RNF212: variants seen among roughly 807,000 people sequenced by gnomAD.
RNF212 encodes the protein probable E3 SUMO-protein ligase RNF212.
In RNF212, 33 loss-of-function variants were observed where a neutral mutation model predicts 34.7. That is an observed-to-expected ratio of 0.95 (90% CI 0.72 to 1.27). The LOEUF is 1.27. Among genes scored for constraint, RNF212 ranks in the 50% most tolerant of loss-of-function variants. The pLI, the probability that RNF212 is intolerant of heterozygous loss-of-function variation, is 0.00. For missense variants in RNF212, 377 were observed against 362.2 expected, an observed-to-expected ratio of 1.04 and a Z score of -0.33; for synonymous variants, 140 against 136.1, an observed-to-expected ratio of 1.03 and a Z score of -0.20.
intron 5 of RNF212, among the ~76,000 whole-genome samples, chr4:1,083,819 G>A (rs556652813): frequency 1.3e-5 from 2 of 152,254 alleles, no homozygotes; most frequent in South Asian, 2.1e-4. Flanking sequence ...TGGGGATGCA[G>A]AGGGTACTAC....
downstream of RNF212, among the ~76,000 whole-genome samples, chr4:1,067,561 T>C (rs563039696): frequency 8.6e-5 from 13 of 151,924 alleles, no homozygotes; most frequent in South Asian, 2.7e-3. Context: ...AATCCCACCG[T>C]AAAAAATAAT....
At chr4:1,074,105 C>G (rs1194647657) in intron 8 of RNF212, among the ~76,000 whole-genome samples, 1 of 152,054 alleles carries the variant, frequency 6.6e-6, no homozygotes, top group Non-Finnish European at 1.5e-5. Context: ...CTGCTCTGTG[C>G]CCACCCTTCA....
chr4:1,057,271 G>A (rs1717389709), intron 4 of RNF212, among the ~76,000 whole-genome samples: 1 of 152,224 alleles, frequency 6.6e-6, no homozygotes, highest in South Asian at 2.1e-4. Flanking sequence ...CCTGCAGGCA[G>A]CCAGGGGTGG....
In RNF212 at chr4:1,113,544, C is replaced by A; in HGVS notation, c.-80G>T. The A allele has an allele frequency of 1.6e-6, 2 of 1,215,014 alleles. No homozygotes were observed. Among genetic ancestry groups the A allele is most frequent in the South Asian group, 1.4e-5 (1 of 72,810 alleles). The allele number at this position is 1,215,014 out of a possible 1,614,324, so 75.3% of individuals were successfully genotyped here. ...TTGGGACCAGCCTCCCCGCGCAGGG[C>A]CCGAAGGCGGGCAGCTCTGCGCCTG... On this transcript the variant is annotated 5_prime_UTR_variant, in exon 1 of 10. Coordinates refer to ENST00000433731, the MANE Select transcript of RNF212 (RefSeq NM_001131034.4).
chr4:1,085,726 T>G (rs1721057877), intron 5 of RNF212, 170 bp downstream of exon 5: 4 of 627,968 alleles, frequency 6.4e-6, no homozygotes. Flanking sequence ...CCTTCTTCCC[T>G]TCGGTTTTCC....
intron 3 of RNF212, among the ~76,000 whole-genome samples, chr4:1,059,473 C>T (rs897290765): frequency 3.9e-5 from 6 of 152,176 alleles, no homozygotes; most frequent in South Asian, 2.1e-4. Flanking sequence ...CAGGAGGCCA[C>T]GGTGAGCACA....
At chr4:1,105,326 C>A (rs71604358) in intron 2 of RNF212, among the ~76,000 whole-genome samples, 57,364 of 152,138 alleles carry the variant, frequency 0.38, 12,690 homozygotes, top group Non-Finnish European at 0.5. Context: ...GCCCAGCCAC[C>A]CACCACATCC....
intron 5 of RNF212, 102 bp downstream of exon 5, chr4:1,085,794 A>C (rs2153046303): frequency 1.1e-5 from 9 of 814,274 alleles, no homozygotes; most frequent in Non-Finnish European, 2.0e-5. Flanking sequence ...TTCCCTCTGC[A>C]TCTGCAGTCA....
chr4:1,072,345 T>C lies in RNF212; in HGVS notation c.*529A>G, dbSNP rs1718591830. ...GATGGGGACACATGTCACTAGATAT[T>C]TGTTCAAACCCATAGAACATTCGAC... On this transcript the variant is annotated 3_prime_UTR_variant, in exon 10 of 10. Transcript: ENST00000433731. 6.5e-6 allele frequency: 1 copy of C among 153,812 alleles called. No homozygotes were observed. The highest frequency in any genetic ancestry group is 2.4e-5 in the African/African-American group (1 of 41,432). 9.5% of individuals were successfully genotyped at this position (153,812 alleles called of 1,614,324 possible).
At chr4:1,058,943 C>T (rs570227692) in intron 3 of RNF212, among the ~76,000 whole-genome samples, 3 of 152,246 alleles carry the variant, frequency 2.0e-5, no homozygotes, top group Non-Finnish European at 2.9e-5. Flanking sequence ...AGGGCAAAAG[C>T]GCGTCCAGAA....
intron 4 of RNF212, among the ~76,000 whole-genome samples, chr4:1,090,140 C>T (rs1272050075): frequency 8.0e-6 from 1 of 124,520 alleles, no homozygotes; most frequent in Non-Finnish European, 1.6e-5. Context: ...GATGGGGTAC[C>T]AAGATAAGGT....
intron 5 of RNF212, chr4:1,082,082 C>T: frequency 6.1e-6 from 1 of 164,334 alleles, no homozygotes. Flanking sequence ...TACTACTGTA[C>T]TACTGCACTC....
At chr4:1,083,795 C>G (rs1720738483) in intron 5 of RNF212, among the ~76,000 whole-genome samples, 1 of 152,076 alleles carries the variant, frequency 6.6e-6, no homozygotes, top group East Asian at 1.9e-4. Flanking sequence ...GGGTGGGGAG[C>G]TGCAGGTTGT....
rs749643469 is a variant in RNF212, at chr4:1,108,304, AC to A, written c.171+38del. On this transcript the variant is annotated intron_variant, in intron 2 of 9. Transcript: ENST00000433731. Reference sequence around the variant, plus strand: ...AATATCAAATTTAAAAGGAAATATGACTGTGATTAAGATGCAGATACGACAC... The same window carrying A: ...AATATCAAATTTAAAAGGAAATATGATGTGATTAAGATGCAGATACGACAC... 10 of 1,297,834 alleles carry A rather than the reference AC, an allele frequency of 7.7e-6. No homozygotes were observed. In the African/African-American group the frequency reaches 1.6e-4, roughly 20 times the overall value. The allele number at this position is 1,297,834 out of a possible 1,614,324, so 80.4% of individuals were successfully genotyped here.
At chr4:1,092,341 C>G (rs1288703582) in intron 3 of RNF212, among the ~76,000 whole-genome samples, 1 of 152,188 alleles carries the variant, frequency 6.6e-6, no homozygotes, top group Non-Finnish European at 1.5e-5. Flanking sequence ...GGGACCTGAG[C>G]AGCAGATGGG....
At chr4:1,070,188 G>T (rs1718363710), downstream of RNF212, among the ~76,000 whole-genome samples, 1 of 150,220 alleles carries the variant, frequency 6.7e-6, no homozygotes, top group African/African-American at 2.5e-5. Context: ...CTGAGTTGTG[G>T]GTGGTTTTGT....
chr4:1,081,779 G>T (rs903488522), intron 5 of RNF212, 160 bp from the exon 6 acceptor site: 2 of 621,734 alleles, frequency 3.2e-6, no homozygotes, highest in Non-Finnish European at 5.7e-6. Flanking sequence ...ATAGCGTCCT[G>T]TGAGTCGCAC....
At chr4:1,082,253 C>T (rs774711034) in intron 5 of RNF212, among the ~76,000 whole-genome samples, 3 of 152,358 alleles carry the variant, frequency 2.0e-5, no homozygotes, top group Admixed American at 6.5e-5. Flanking sequence ...CTGATCTCCA[C>T]GATGGCCAGT....
intron 2 of RNF212, among the ~76,000 whole-genome samples, chr4:1,108,020 T>C (rs984465840): frequency 6.6e-6 from 1 of 152,220 alleles, no homozygotes; most frequent in South Asian, 2.1e-4. Flanking sequence ...CTTAATTATA[T>C]ATGACCCCTA....
Sources: gnomAD v4.1 joint callset for allele counts (sites outside exome capture counted in the v4.1 genomes callset) on GRCh38, gnomAD v4.1.1 for gene constraint, MANE v1.5 for transcripts, NCBI Gene and HGNC (gene_info 2026-07-23, HGNC 2026-07-21) for gene names.